The following THBS3 variants were observed in gnomAD, a reference collection of about 807,000 sequenced individuals.
THBS3 encodes the protein thrombospondin-3.
Under a neutral mutation model 118.3 loss-of-function variants are expected in THBS3, and 78 were observed. The observed-to-expected ratio is 0.66, with a 90% CI of 0.55 to 0.80. The LOEUF (loss-of-function observed/expected upper bound fraction) is 0.80, where lower values mean the gene tolerates loss of function less well. Among genes scored for constraint, THBS3 ranks in the 30% least tolerant of loss-of-function variants. THBS3 has a pLI of 0.00. For synonymous variants in THBS3, 427 were observed against 475.3 expected, an observed-to-expected ratio of 0.90 and a Z score of 1.32; for missense variants, 1,057 against 1,247.4, an observed-to-expected ratio of 0.85 and a Z score of 2.30.
At position 155,197,022 on chromosome 1, in the gene THBS3, G is replaced by A; in HGVS notation, c.2672+19C>T. On this transcript the variant is annotated intron_variant, in intron 21 of 22. Coordinates refer to ENST00000368378, the MANE Select transcript of THBS3 (RefSeq NM_007112.5). The surrounding 1 kb of genome is among the most constrained non-coding windows in gnomAD (Gnocchi z 5.0). ...GGCCCGGCCTGAGTCCCACAGGTGG[G>A]CTCAGCCCCTCTCCTTACCGAATGT... 2.5e-6 allele frequency: 4 copies of A among 1,608,950 alleles called. No homozygotes were observed. Among genetic ancestry groups the A allele is most frequent in the Non-Finnish European group, 3.4e-6 (4 of 1,176,066 alleles).
At chr1:155,209,161 A>G (rs1485061865), upstream of THBS3, 11 of 1,503,454 alleles carry the variant, frequency 7.3e-6, no homozygotes, top group Non-Finnish European at 4.4e-6. Context: ...CCCTGACCGC[A>G]ACGATCGGAG....
chr1:155,207,959 C>G, upstream of THBS3: 10 of 1,272,036 alleles, frequency 7.9e-6, no homozygotes, highest in Non-Finnish European at 9.6e-6. Flanking sequence ...AGCCGGGGGG[C>G]GGAGGGACAG....
intron 11 of THBS3, 102 bp downstream of exon 11, chr1:155,201,314 GC>G: frequency 6.3e-7 from 1 of 1,576,940 alleles, no homozygotes. Flanking sequence ...CTGGGCCCAG[GC>G]CCACCTCTCT....
upstream of THBS3, chr1:155,208,117 T>TC: frequency 1.8e-6 from 1 of 556,692 alleles, no homozygotes; most frequent in Non-Finnish European, 3.2e-6. Context: ...CTAATGATCC[T>TC]CCCCCAGGTG....
At position 155,195,805 on chromosome 1, in the gene THBS3, C is replaced by A; in HGVS notation, c.*36G>T. 1 of 1,610,974 alleles carries A rather than the reference C, an allele frequency of 6.2e-7. No homozygotes were observed. The highest frequency in any genetic ancestry group is 1.1e-5 in the South Asian group (1 of 90,964). On this transcript the variant is annotated 3_prime_UTR_variant, in exon 23 of 23. Coordinates refer to ENST00000368378, the MANE Select transcript of THBS3 (RefSeq NM_007112.5). Reference sequence around the variant, plus strand: ...AGGATGGACCCCAAGGCCAAAGGGTCTAAAATTCTGAATTCTGAATCTGGT... The same window carrying A: ...AGGATGGACCCCAAGGCCAAAGGGTATAAAATTCTGAATTCTGAATCTGGT...
At position 155,197,567 on chromosome 1, in the gene THBS3, G is replaced by A. The variant is rs1292440916; in HGVS notation, c.2395C>T (p.Gln799Ter). ...DDYAGFLFSY[Q>*]DSGRFYVVMW... Reference sequence around the variant, plus strand: ...ACTACGTAGAAGCGGCCACTGTCTTGATAACTGAAGAGAAAGCCTGCGTAG... The same window carrying A: ...ACTACGTAGAAGCGGCCACTGTCTTAATAACTGAAGAGAAAGCCTGCGTAG... Residue 799 changes from glutamine (Q) to a stop codon, truncating the protein, a stop_gained, in exon 20 of 23, where the codon CAA becomes TAA. Coordinates refer to ENST00000368378, the MANE Select transcript of THBS3 (RefSeq NM_007112.5). LOFTEE classifies it high-confidence loss of function. The surrounding 1 kb of genome is among the most constrained non-coding windows in gnomAD (Gnocchi z 5.0). The A allele has an allele frequency of 6.4e-7, 1 of 1,565,468 alleles. No individual in the cohort carries two copies. The highest frequency in any genetic ancestry group is 2.4e-5 in the East Asian group (1 of 40,878).
rs1460159503 is a variant in THBS3 at position 155,198,000 on chromosome 1, C to T, written c.2253+42G>A. The T allele has an allele frequency of 6.2e-7, 1 of 1,613,992 alleles. No individual in the cohort carries two copies. Among genetic ancestry groups the T allele is most frequent in the African/African-American group, 1.3e-5 (1 of 74,930 alleles). ...CCTCCCAGGCCCCCCGTCCCAGTAG[C>T]CCTGTCTGATAGCACCTGCCCAGCC... On this transcript the variant is annotated intron_variant, in intron 18 of 22. Coordinates refer to ENST00000368378, the MANE Select transcript of THBS3 (RefSeq NM_007112.5). The surrounding 1 kb of genome is among the most constrained non-coding windows in gnomAD (Gnocchi z 5.0).
intron 22 of THBS3, 23 bp from the exon 23 acceptor site, chr1:155,195,922 G>A (rs1313357727): frequency 2.5e-6 from 4 of 1,614,214 alleles, no homozygotes; most frequent in Admixed American, 3.3e-5. Context: ...AAATAAGTAA[G>A]GTCAGAGGAT....
At position 155,198,228 on chromosome 1, in the gene THBS3, G is replaced by A; in HGVS notation, c.2075-8C>T. ...CATCACCAACGCCATTGCCTGGGCA[G>A]AGTGAGGCTGGGTGCTCAGGAAGGC... On this transcript the variant is annotated splice_region_variant and splice_polypyrimidine_tract_variant and intron_variant, in intron 17 of 22. Transcript: ENST00000368378. 3 of 1,613,576 alleles carry A rather than the reference G, an allele frequency of 1.9e-6. No homozygotes were observed. The highest frequency in any genetic ancestry group is 1.3e-5 in the African/African-American group (1 of 75,068).
rs1029975419 is a variant in THBS3 at position 155,200,133 on chromosome 1, C to G, written c.1709-20G>C. ...GGATGCCTAGAAGACATGGGTAGCA[C>G]AAGGTTGTTACTAGAACATGCCATA... On this transcript the variant is annotated intron_variant, in intron 14 of 22. Transcript: ENST00000368378. The G allele has an allele frequency of 6.6e-7, 1 of 1,523,508 alleles. No individual in the cohort carries two copies. Among genetic ancestry groups the G allele is most frequent in the Non-Finnish European group, 8.8e-7 (1 of 1,132,280 alleles). The allele number at this position is 1,523,508 out of a possible 1,614,324, so 94.4% of individuals were successfully genotyped here.
At position 155,203,605 on chromosome 1, in the gene THBS3, A is replaced by G. The variant is rs1670130169; in HGVS notation, c.647-66T>C. 4 of 1,590,686 alleles carry G rather than the reference A, an allele frequency of 2.5e-6. No individual in the cohort carries two copies. In the Admixed American group the frequency reaches 5.2e-5, roughly 21 times the overall value. ...AGTGAAGAGAGGCCTGGTTGGTGAGAAGGAGGAAGGAAGGTGAGGACAGGG... is the reference window on the plus strand; with the variant it reads ...AGTGAAGAGAGGCCTGGTTGGTGAGGAGGAGGAAGGAAGGTGAGGACAGGG... On this transcript the variant is annotated intron_variant, in intron 4 of 22. Coordinates refer to ENST00000368378, the MANE Select transcript of THBS3 (RefSeq NM_007112.5).
Position 155,197,675 on chromosome 1 carries a change from G to GGGGGGC in THBS3, c.2303-17_2303-16insGCCCCC. The GGGGGGC allele has an allele frequency of 1.2e-6, 1 of 831,656 alleles. No homozygotes were observed. 51.5% of individuals were successfully genotyped at this position (831,656 alleles called of 1,614,324 possible). Reference sequence around the variant, plus strand: ...GCCGTGTATCCTGGGGTGGGGGTGGGATAAAGGTCAGGGGCAGCAAAGCTA... The same window carrying GGGGGGC: ...GCCGTGTATCCTGGGGTGGGGGTGGGGGGGGCATAAAGGTCAGGGGCAGCAAAGCTA... On this transcript the variant is annotated splice_polypyrimidine_tract_variant and intron_variant, in intron 19 of 22. Transcript: ENST00000368378. The surrounding 1 kb of genome is among the most constrained non-coding windows in gnomAD (Gnocchi z 5.0).
intron 21 of THBS3, chr1:155,196,468 C>T (rs1668693603): frequency 6.3e-6 from 2 of 317,268 alleles, no homozygotes; most frequent in Non-Finnish European, 5.9e-6. Context: ...GTCCTGGCAC[C>T]CCACAGCCCC....
intron 16 of THBS3, 85 bp from the exon 17 acceptor site, chr1:155,198,687 C>T (rs571478637): frequency 2.1e-6 from 3 of 1,410,110 alleles, no homozygotes; most frequent in South Asian, 2.6e-5. Context: ...TCTCTGGAGC[C>T]TGCTCTCCAT....
At chr1:155,205,396 A>G in intron 2 of THBS3, 80 bp from the exon 3 acceptor site, 2 of 1,554,890 alleles carry the variant, frequency 1.3e-6, no homozygotes, top group South Asian at 1.2e-5. Flanking sequence ...ACTCTGCTAG[A>G]TACCACATCT....
At chr1:155,208,069 G>C (rs1233557275), upstream of THBS3, 5 of 587,936 alleles carry the variant, frequency 8.5e-6, no homozygotes, top group Non-Finnish European at 1.5e-5. Flanking sequence ...GGGGCACTGG[G>C]AAAGAATCCT....
Position 155,202,166 on chromosome 1 carries a change from T to C in THBS3, c.1098+95A>G. 1 of 1,596,164 alleles carries C rather than the reference T, an allele frequency of 6.3e-7. No homozygotes were observed. ...CCCAAAGCCGATGCAAAGCCATCCA[T>C]GTCCCATTCATCACAAGGGTCCCAT... On this transcript the variant is annotated intron_variant, in intron 9 of 22. Coordinates refer to ENST00000368378, the MANE Select transcript of THBS3 (RefSeq NM_007112.5). This position sits in a 1 kb window ranked among gnomAD's most constrained non-coding sequence, Gnocchi z 5.5.
Position 155,198,097 on chromosome 1 carries a change from A to G in THBS3, c.2198T>C (p.Val733Ala), listed in dbSNP as rs577480034. Residue 733 changes from valine to alanine, a missense_variant, in exon 18 of 23, where the codon GTC (valine) becomes GCC (alanine). Val to Ala is a moderately conservative substitution (Grantham distance 64, BLOSUM62 0). This residue lies in a region of THBS3 where 307 missense variants were observed against 326.1 expected (regional missense o/e 0.94). Coordinates refer to ENST00000368378, the MANE Select transcript of THBS3 (RefSeq NM_007112.5). The part of the protein sequence containing the change: ...LTDFRAYQTV[V>A]LDPEGDAQID... ...CTGAGCATCACCCTCAGGATCCAGG[A>G]CGACGGTCTGATAGGCCCGAAAATC... 1 of 1,614,172 alleles carries G rather than the reference A, an allele frequency of 6.2e-7. No homozygotes were observed. The highest frequency in any genetic ancestry group is 1.1e-5 in the South Asian group (1 of 91,080).
chr1:155,203,570 G>A (rs765415088), intron 4 of THBS3, 31 bp from the exon 5 acceptor site: 1 of 1,612,824 alleles, frequency 6.2e-7, no homozygotes. Flanking sequence ...TAGTCAGAGG[G>A]GTGAGGTGAA....
Sources: gnomAD v4.1 joint callset for allele counts on GRCh38, gnomAD v4.1.1 for gene constraint, gnomAD v4.1.1 regional missense constraint, Gnocchi (gnomAD v3.1) non-coding constraint, MANE v1.5 for transcripts, NCBI Gene and HGNC (gene_info 2026-07-23, HGNC 2026-07-21) for gene names.